GLB1: variants seen among roughly 807,000 people sequenced by gnomAD.
The protein encoded by GLB1 is galactosidase beta 1.
A neutral mutation model predicts 74.0 loss-of-function variants in GLB1; 56 were observed. The ratio of observed to expected loss-of-function variants is 0.76; its 90% CI spans 0.61 to 0.94. The LOEUF is 0.94. Ranked by LOEUF, GLB1 falls within the 40% of genes least tolerant of loss-of-function variation. GLB1 has a pLI of 0.00. For missense variants in GLB1, 787 were observed against 845.5 expected, an observed-to-expected ratio of 0.93 and a Z score of 0.86; for synonymous variants, 323 against 323.6, an observed-to-expected ratio of 1.00 and a Z score of 0.02.
intron 1 of GLB1, chr3:33,092,228 G>A: frequency 2.0e-6 from 2 of 985,722 alleles, no homozygotes; most frequent in Non-Finnish European, 2.4e-6. Flanking sequence ...GCCTGGAACA[G>A]GAGGAGCTTT....
intron 10 of GLB1, among the ~76,000 whole-genome samples, chr3:33,042,252 C>G (rs2125506708): frequency 6.6e-6 from 1 of 152,142 alleles, no homozygotes; most frequent in East Asian, 1.9e-4. Flanking sequence ...AACAACGGCT[C>G]TGCTCAACTC....
At chr3:33,096,742 A>T (rs1701047300) in intron 1 of GLB1, 6 of 1,298,800 alleles carry the variant, frequency 4.6e-6, no homozygotes, top group Non-Finnish European at 5.8e-6. Context: ...CTCGTTACAG[A>T]TGGGGAAGTG....
At chr3:32,981,167 G>A in the GLB1 span, among the ~76,000 whole-genome samples, 1 of 149,560 alleles carries the variant, frequency 6.7e-6, no homozygotes, top group Non-Finnish European at 1.5e-5. Context: ...CACTTTGGGA[G>A]GCAGAGATGG....
Position 33,018,501 on chromosome 3 carries a change from G to C in GLB1, c.1294C>G (p.Leu432Val). Residue 432 changes from leucine (L) to valine (V), a missense_variant, in exon 13 of 16, where the codon CTC becomes GTC. By Grantham distance (32) the Leu-to-Val change is conservative. Coordinates refer to ENST00000307363, the MANE Select transcript of GLB1 (RefSeq NM_000404.4). ...TGGACTCCATTGAGGGGTGAAGAGAGAGGTGCTGGGTTGCTGCAATCTTGA... is the reference window on the plus strand; with the variant it reads ...TGGACTCCATTGAGGGGTGAAGAGACAGGTGCTGGGTTGCTGCAATCTTGA... ...LPQDCSNPAP[L>V]SSPLNGVHDR... The C allele has an allele frequency of 1.2e-6, 2 of 1,614,030 alleles. No homozygotes were observed. Among genetic ancestry groups the C allele is most frequent in the Non-Finnish European group, 1.7e-6 (2 of 1,180,012 alleles).
the GLB1 span, among the ~76,000 whole-genome samples, chr3:32,985,022 T>C: frequency 6.6e-6 from 1 of 151,164 alleles, no homozygotes; most frequent in Non-Finnish European, 1.5e-5. Context: ...GGAGAACTGC[T>C]TGAGCCCAGG....
chr3:32,974,958 T>C, the GLB1 span, among the ~76,000 whole-genome samples: 2 of 152,226 alleles, frequency 1.3e-5, no homozygotes, highest in Non-Finnish European at 2.9e-5. Context: ...CCTAGTCAAG[T>C]TGGCACATAA....
chr3:32,991,656 A>G (rs1220756120), downstream of GLB1, among the ~76,000 whole-genome samples: 1 of 152,224 alleles, frequency 6.6e-6, no homozygotes, highest in Non-Finnish European at 1.5e-5. Context: ...GGAACATGCC[A>G]TCAGAACCCA....
At chr3:33,009,387 T>TG (rs1051931204) in intron 15 of GLB1, among the ~76,000 whole-genome samples, 3 of 151,590 alleles carry the variant, frequency 2.0e-5, no homozygotes, top group Non-Finnish European at 4.4e-5. Context: ...CCAAGTGTGG[T>TG]GGGGGGTGCC....
chr3:32,978,594 A>G, the GLB1 span, among the ~76,000 whole-genome samples: 1 of 152,178 alleles, frequency 6.6e-6, no homozygotes, highest in Non-Finnish European at 1.5e-5. Context: ...AACTCGGCAG[A>G]GAGAGGCAGC....
At chr3:32,974,854 C>T in the GLB1 span, among the ~76,000 whole-genome samples, 2 of 152,304 alleles carry the variant, frequency 1.3e-5, no homozygotes, top group Admixed American at 1.3e-4. Context: ...ATCTGCTTCA[C>T]TCAATTTACC....
At chr3:33,077,828 T>G (rs1272221971) in intron 1 of GLB1, among the ~76,000 whole-genome samples, 1 of 151,660 alleles carries the variant, frequency 6.6e-6, no homozygotes, top group Non-Finnish European at 1.5e-5. Flanking sequence ...TATATTTCAG[T>G]AAGTTATTTT....
intron 5 of GLB1, among the ~76,000 whole-genome samples, chr3:33,060,999 G>A (rs1699420087): frequency 6.6e-6 from 1 of 152,188 alleles, no homozygotes; most frequent in South Asian, 2.1e-4. Context: ...AAAGGTGGGT[G>A]AAGGCTGGGG....
intron 12 of GLB1, among the ~76,000 whole-genome samples, chr3:33,019,896 T>C (rs994742748): frequency 2.0e-5 from 3 of 152,088 alleles, no homozygotes; most frequent in African/African-American, 7.2e-5. Flanking sequence ...TGGAAATAGA[T>C]ATTCTGTGGA....
chr3:33,041,710 T>C (rs934289692), intron 10 of GLB1, among the ~76,000 whole-genome samples: 1 of 142,872 alleles, frequency 7.0e-6, no homozygotes, highest in Non-Finnish European at 1.5e-5. Context: ...ATTTTGAAAA[T>C]GAGGGTGAAA....
chr3:33,005,924 G>T (rs1355134320), intron 15 of GLB1, among the ~76,000 whole-genome samples: 2 of 152,082 alleles, frequency 1.3e-5, no homozygotes, highest in Non-Finnish European at 2.9e-5. Context: ...TTAAAATACA[G>T]AATTACTTTT....
chr3:33,053,723 G>A (rs1335572457), intron 6 of GLB1, among the ~76,000 whole-genome samples, 174 bp from the exon 7 acceptor site: 2 of 152,218 alleles, frequency 1.3e-5, no homozygotes, highest in African/African-American at 4.8e-5. Context: ...TAACAGGTGA[G>A]GCCACTGGAA....
At chr3:33,083,581 T>C (rs2125570574) in intron 1 of GLB1, among the ~76,000 whole-genome samples, 1 of 152,292 alleles carries the variant, frequency 6.6e-6, no homozygotes, top group Middle Eastern at 3.4e-3. Flanking sequence ...GAGACATACT[T>C]TTATTTCATA....
At chr3:32,991,162 G>T in the GLB1 span, among the ~76,000 whole-genome samples, 9 of 152,084 alleles carry the variant, frequency 5.9e-5, no homozygotes, top group Non-Finnish European at 1.3e-4. Context: ...CTGGTGGGGG[G>T]TTCACACAGT....
At chr3:33,022,564 A>ATTTTATTTTTTTTTTTTTTTT (rs1697539508) in intron 11 of GLB1, among the ~76,000 whole-genome samples, 1 of 63,746 alleles carries the variant, frequency 1.6e-5, no homozygotes, top group Non-Finnish European at 2.9e-5. Flanking sequence ...ACTGGTTAGG[A>ATTTTATTTTTTTTTTTTTTTT]TTTTTTTTTT....
Sources: allele counts gnomAD v4.1 joint callset (sites outside exome capture counted in the v4.1 genomes callset), GRCh38; gene constraint gnomAD v4.1.1; transcripts MANE v1.5; gene names NCBI Gene and HGNC (gene_info 2026-07-23, HGNC 2026-07-21).